The following PDE4B variants were observed in gnomAD, a reference collection of about 807,000 sequenced individuals.
The protein encoded by PDE4B is 3',5'-cyclic-AMP phosphodiesterase 4B.
Under a neutral mutation model 82.2 loss-of-function variants are expected in PDE4B, and 20 were observed. That is an observed-to-expected ratio of 0.24 (90% CI 0.17 to 0.35). The LOEUF (loss-of-function observed/expected upper bound fraction) is 0.35. PDE4B is among the 10% of genes least tolerant of loss of function. The pLI, the probability that PDE4B is intolerant of heterozygous loss-of-function variation, is 1.00. For missense variants in PDE4B, 655 were observed against 907.2 expected, an observed-to-expected ratio of 0.72 and a Z score of 3.57; for synonymous variants, 320 against 318.9, an observed-to-expected ratio of 1.00 and a Z score of -0.04.
At chr1:65,884,730 A>G (rs1261600460) in intron 1 of PDE4B, among the ~76,000 whole-genome samples, 2 of 152,220 alleles carry the variant, frequency 1.3e-5, no homozygotes, top group Non-Finnish European at 2.9e-5. Flanking sequence ...TAAAGACTTG[A>G]ATGTTAGACC....
chr1:65,816,214 T>TGTGTAA (rs1486561568), intron 1 of PDE4B, among the ~76,000 whole-genome samples: 1 of 70,762 alleles, frequency 1.4e-5, no homozygotes, highest in Non-Finnish European at 3.7e-5. Flanking sequence ...TGTGTGTGTG[T>TGTGTAA]GTGTGTGTGT....
At chr1:66,129,697 C>T (rs112772800) in intron 3 of PDE4B, among the ~76,000 whole-genome samples, 3 of 130,524 alleles carry the variant, frequency 2.3e-5, no homozygotes, top group African/African-American at 6.0e-5. Flanking sequence ...AACAAAAAAA[C>T]AAAAAAAAAA....
chr1:66,328,483 A>G (rs572023262), intron 7 of PDE4B, among the ~76,000 whole-genome samples: 7 of 152,320 alleles, frequency 4.6e-5, no homozygotes, highest in African/African-American at 1.2e-4. Flanking sequence ...ACAGGGCCCT[A>G]TGCTCAGAAG....
intron 1 of PDE4B, among the ~76,000 whole-genome samples, chr1:65,794,757 T>G (rs1645612450): frequency 6.6e-6 from 1 of 152,188 alleles, no homozygotes; most frequent in Non-Finnish European, 1.5e-5. Context: ...AAAAAATAAG[T>G]AAGATTGTTA....
intron 1 of PDE4B, among the ~76,000 whole-genome samples, chr1:65,797,968 C>T (rs1645649757): frequency 1.3e-5 from 2 of 151,984 alleles, no homozygotes; most frequent in African/African-American, 4.8e-5. Context: ...TTGGGATGCC[C>T]CTTGCATTAT....
At chr1:66,061,498 C>T (rs951918993) in intron 3 of PDE4B, among the ~76,000 whole-genome samples, 8 of 151,744 alleles carry the variant, frequency 5.3e-5, no homozygotes, top group Admixed American at 2.6e-4. Flanking sequence ...GAGAGAAGAT[C>T]GAATCATAAA....
chr1:66,037,058 G>A (rs1288219977), intron 3 of PDE4B, among the ~76,000 whole-genome samples: 1 of 151,292 alleles, frequency 6.6e-6, no homozygotes, highest in Non-Finnish European at 1.5e-5. Flanking sequence ...ACTTGAACCT[G>A]GGAGGTGGAG....
intron 1 of PDE4B, among the ~76,000 whole-genome samples, chr1:65,864,871 C>G (rs1423977396): frequency 6.6e-6 from 1 of 152,164 alleles, no homozygotes; most frequent in Non-Finnish European, 1.5e-5. Context: ...GGCAGTCAGT[C>G]CCTTAGCAGA....
chr1:66,193,538 T>C (rs1452114986), intron 3 of PDE4B, among the ~76,000 whole-genome samples: 13 of 152,146 alleles, frequency 8.5e-5, no homozygotes, highest in Non-Finnish European at 1.6e-4. Flanking sequence ...CAGGGAAATG[T>C]TATCATCTCA....
intron 3 of PDE4B, among the ~76,000 whole-genome samples, chr1:65,967,141 G>A (rs1051748057): frequency 6.6e-6 from 1 of 152,066 alleles, no homozygotes; most frequent in Non-Finnish European, 1.5e-5. Flanking sequence ...CTATCCATCT[G>A]ACAAAAGGCT....
intron 3 of PDE4B, among the ~76,000 whole-genome samples, chr1:66,226,271 C>T (rs1413902376): frequency 7.0e-6 from 1 of 142,400 alleles, no homozygotes; most frequent in Non-Finnish European, 1.5e-5. Flanking sequence ...AGGCACTGTA[C>T]TAGGCTCTAG....
At chr1:66,095,251 C>A (rs1645092360) in intron 3 of PDE4B, among the ~76,000 whole-genome samples, 1 of 151,818 alleles carries the variant, frequency 6.6e-6, no homozygotes, top group Non-Finnish European at 1.5e-5. Flanking sequence ...AGCTTGCAAT[C>A]TTGAGCAAAT....
At chr1:65,964,870 A>G (rs1298180132) in intron 3 of PDE4B, among the ~76,000 whole-genome samples, 1 of 152,090 alleles carries the variant, frequency 6.6e-6, no homozygotes, top group East Asian at 1.9e-4. Flanking sequence ...ATAGGACTAG[A>G]AAAATATAAT....
intron 9 of PDE4B, chr1:66,360,615 T>TA (rs1662684862): frequency 6.6e-6 from 1 of 152,278 alleles, no homozygotes; most frequent in Non-Finnish European, 1.5e-5. Context: ...AAGTAGTTTT[T>TA]ATGCAATTTA....
At position 66,269,393 on chromosome 1, in the gene PDE4B, G is replaced by A. The variant is rs76552066; in HGVS notation, c.634+3306G>A. ...AAAGACGCAGTAAATCCTCCTAGGG[G>A]TGTCGAAAATGCCAATGTTGTAGTT... On this transcript the variant is annotated intron_variant, in intron 7 of 16. Coordinates refer to ENST00000341517, the MANE Select transcript of PDE4B (RefSeq NM_002600.4). 6.4e-3 allele frequency among the ~76,000 whole-genome samples: 968 copies of A among 152,262 alleles called. 7 individuals are homozygous for A. The highest frequency in any genetic ancestry group is 0.014 in the Middle Eastern group (4 of 294).
chr1:66,298,394 G>A (rs1418479742), intron 7 of PDE4B, among the ~76,000 whole-genome samples: 2 of 152,148 alleles, frequency 1.3e-5, no homozygotes, highest in African/African-American at 2.4e-5. Flanking sequence ...GAAGGGCCAA[G>A]CTGTCTGGAA....
intron 3 of PDE4B, among the ~76,000 whole-genome samples, chr1:66,067,526 G>A (rs970756054): frequency 4.6e-5 from 7 of 152,074 alleles, no homozygotes; most frequent in African/African-American, 1.7e-4. Context: ...CCCACTTGTT[G>A]ATGGGGTTGT....
chr1:65,889,630 A>G (rs1164366796), intron 1 of PDE4B, among the ~76,000 whole-genome samples: 1 of 152,144 alleles, frequency 6.6e-6, no homozygotes, highest in Non-Finnish European at 1.5e-5. Context: ...TTTGTCCTTT[A>G]ATGAGGTGCC....
At chr1:66,342,831 G>A (rs527886769) in intron 8 of PDE4B, among the ~76,000 whole-genome samples, 14 of 152,186 alleles carry the variant, frequency 9.2e-5, no homozygotes, top group African/African-American at 3.4e-4. Flanking sequence ...ATCACTTGAG[G>A]CCAGGAGTTC....
Sources: gnomAD v4.1 joint callset for allele counts (sites outside exome capture counted in the v4.1 genomes callset) on GRCh38, gnomAD v4.1.1 for gene constraint, MANE v1.5 for transcripts, NCBI Gene and HGNC (gene_info 2026-07-23, HGNC 2026-07-21) for gene names.